Variants in SEZ6L observed in about 807,000 individuals in gnomAD.
SEZ6L encodes the protein seizure 6-like protein.
SEZ6L carries 37 observed loss-of-function variants against 106.2 expected under a neutral mutation model. That is an observed-to-expected ratio of 0.35 (90% CI 0.27 to 0.46). The LOEUF (loss-of-function observed/expected upper bound fraction) is 0.46, where lower values mean the gene tolerates loss of function less well. Among genes scored for constraint, SEZ6L ranks in the 20% least tolerant of loss-of-function variants. The pLI is 1.00. For synonymous variants in SEZ6L, 541 were observed against 570.4 expected, an observed-to-expected ratio of 0.95 and a Z score of 0.73; for missense variants, 1,172 against 1,332.8, an observed-to-expected ratio of 0.88 and a Z score of 1.88.
chr22:26,348,692 AAGAAAGAAAGAAGGCAAG>A (rs2083143468), intron 11 of SEZ6L, among the ~76,000 whole-genome samples: 1 of 90,074 alleles, frequency 1.1e-5, no homozygotes, highest in Non-Finnish European at 2.2e-5. Context: ...GAAAGAAAGA[AAGAAAGAAAGAAGGCAAG>A]GGAGGGAAGG....
At chr22:26,230,616 C>T (rs2078769911) in intron 1 of SEZ6L, among the ~76,000 whole-genome samples, 1 of 152,164 alleles carries the variant, frequency 6.6e-6, no homozygotes, top group African/African-American at 2.4e-5. Context: ...TGAGGAAATC[C>T]TTCAGGGAAA....
chr22:26,306,454 G>A (rs116342116), intron 6 of SEZ6L, among the ~76,000 whole-genome samples: 1,725 of 152,254 alleles, frequency 0.011, 23 homozygotes, highest in African/African-American at 0.039. Context: ...CAAAAAGAGA[G>A]TATGTATTGA....
intron 12 of SEZ6L, 103 bp downstream of exon 12, chr22:26,351,346 G>C: frequency 1.0e-6 from 1 of 979,798 alleles, no homozygotes; most frequent in East Asian, 2.4e-5. Context: ...TCTGCTTTTC[G>C]ACAGGGGCTT....
chr22:26,352,364 G>C (rs577419099), intron 12 of SEZ6L, among the ~76,000 whole-genome samples: 11 of 152,050 alleles, frequency 7.2e-5, no homozygotes, highest in Non-Finnish European at 1.5e-4. Flanking sequence ...AATACAGCCA[G>C]TTCAAACTCC....
intron 1 of SEZ6L, among the ~76,000 whole-genome samples, chr22:26,242,042 G>A (rs1482132306): frequency 1.3e-5 from 2 of 152,194 alleles, no homozygotes; most frequent in Non-Finnish European, 2.9e-5. Flanking sequence ...TGCAGATGCC[G>A]CTACAGGTGT....
intron 9 of SEZ6L, among the ~76,000 whole-genome samples, chr22:26,319,464 A>C (rs1601488695): frequency 6.6e-6 from 1 of 152,340 alleles, no homozygotes; most frequent in East Asian, 1.9e-4. Context: ...AGCTCTGGTT[A>C]CATCTCCAGC....
intron 12 of SEZ6L, among the ~76,000 whole-genome samples, chr22:26,363,723 A>G (rs2083712917): frequency 6.6e-6 from 1 of 152,248 alleles, no homozygotes; most frequent in Non-Finnish European, 1.5e-5. Context: ...ACCCATGTTC[A>G]TAGCAGTATT....
chr22:26,211,871 C>T (rs2078170712), intron 1 of SEZ6L, among the ~76,000 whole-genome samples: 1 of 142,100 alleles, frequency 7.0e-6, no homozygotes, highest in Non-Finnish European at 1.5e-5. Context: ...ATTAAAGAGA[C>T]TGTTTGTGAC....
chr22:26,323,397 C>G (rs1052156068), intron 9 of SEZ6L, among the ~76,000 whole-genome samples: 1 of 152,156 alleles, frequency 6.6e-6, no homozygotes, highest in Non-Finnish European at 1.5e-5. Context: ...CTTTTGGAAG[C>G]CAAGATGGGA....
chr22:26,254,377 G>A (rs998837283), intron 1 of SEZ6L, among the ~76,000 whole-genome samples: 1 of 152,108 alleles, frequency 6.6e-6, no homozygotes, highest in Admixed American at 6.5e-5. Context: ...AGGGACGGAA[G>A]AGGGAGAAGG....
chr22:26,253,837 A>T (rs1256657195), intron 1 of SEZ6L: 1 of 152,272 alleles, frequency 6.6e-6, no homozygotes, highest in East Asian at 1.9e-4. Context: ...TCATCTTAAA[A>T]GGCTCCTGGG....
chr22:26,371,887 C>T (rs1205242303), intron 13 of SEZ6L, among the ~76,000 whole-genome samples: 2 of 152,192 alleles, frequency 1.3e-5, no homozygotes, highest in Non-Finnish European at 2.9e-5. Context: ...CGTCCCACCA[C>T]CAACTCTGTA....
At chr22:26,297,292 G>A (rs2081329866) in intron 4 of SEZ6L, among the ~76,000 whole-genome samples, 1 of 152,178 alleles carries the variant, frequency 6.6e-6, no homozygotes, top group African/African-American at 2.4e-5. Flanking sequence ...TCAAAATACT[G>A]TTATAATCTA....
chr22:26,244,119 C>T (rs2079239034), intron 1 of SEZ6L, among the ~76,000 whole-genome samples: 1 of 149,140 alleles, frequency 6.7e-6, no homozygotes, highest in Admixed American at 7.2e-5. Flanking sequence ...GCTGAGATCA[C>T]ATCACTGCAC....
chr22:26,313,677 G>T, intron 8 of SEZ6L, 87 bp from the exon 9 acceptor site: 2 of 1,512,060 alleles, frequency 1.3e-6, no homozygotes, highest in South Asian at 1.2e-5. Context: ...ACGGCTGTCT[G>T]ACTTCATAGC....
chr22:26,253,044 T>C (rs183064590), intron 1 of SEZ6L, among the ~76,000 whole-genome samples: 1 of 152,324 alleles, frequency 6.6e-6, no homozygotes, highest in African/African-American at 2.4e-5. Flanking sequence ...GGGCCAGGCA[T>C]TGGGCTAAGA....
chr22:26,226,942 T>G (rs565666854), intron 1 of SEZ6L, among the ~76,000 whole-genome samples: 1 of 152,174 alleles, frequency 6.6e-6, no homozygotes, highest in Non-Finnish European at 1.5e-5. Context: ...AAAGAGGAGC[T>G]GGGGTCCTTG....
At chr22:26,305,266 T>G (rs918969084) in intron 5 of SEZ6L, among the ~76,000 whole-genome samples, 4 of 152,210 alleles carry the variant, frequency 2.6e-5, no homozygotes, top group African/African-American at 7.2e-5. Context: ...GCCATGAATA[T>G]CCTCATTCCT....
At chr22:26,363,645 T>C (rs2083709435) in intron 12 of SEZ6L, among the ~76,000 whole-genome samples, 1 of 152,210 alleles carries the variant, frequency 6.6e-6, no homozygotes, top group African/African-American at 2.4e-5. Flanking sequence ...AATGAGACGC[T>C]TCAAACAACA....
Sources: gnomAD v4.1 joint callset for allele counts (sites outside exome capture counted in the v4.1 genomes callset) on GRCh38, gnomAD v4.1.1 for gene constraint, MANE v1.5 for transcripts, NCBI Gene and HGNC (gene_info 2026-07-23, HGNC 2026-07-21) for gene names.